Variants in ZNF541 observed in about 807,000 individuals in gnomAD.
ZNF541 encodes zinc finger protein 541.
A neutral mutation model predicts 123.5 loss-of-function variants in ZNF541; 23 were observed. The ratio of observed to expected loss-of-function variants is 0.19; its 90% confidence interval spans 0.13 to 0.26. ZNF541 has a LOEUF of 0.26. Among genes scored for constraint, ZNF541 ranks in the 10% least tolerant of loss-of-function variants. The pLI is 1.00. For synonymous variants in ZNF541, 751 were observed against 754.5 expected (o/e 1.00, Z 0.08); for missense variants, 1,612 against 1,789.9 (o/e 0.90, Z 1.79).
chr19:47,525,821 C>G (rs1352904405), intron 14 of ZNF541, among the ~76,000 whole-genome samples: 1 of 147,546 alleles, frequency 6.8e-6, no homozygotes, highest in Admixed American at 7.1e-5. Flanking sequence ...GAGGCTGAGG[C>G]AGGAGAATGG....
In ZNF541 at chr19:47,544,953, TCTGGGCCTC is replaced by T. The variant is rs1568500628; in HGVS notation, c.1567_1575del (p.Glu523_Gln525del). ...GCATCCGCAGGGAGCCCGCCTGCCT[TCTGGGCCTC>T]CTGGAGGCCGGGCTCCCCGGGGTTC... On this transcript the variant is annotated inframe_deletion, in exon 5 of 17. Transcript: ENST00000391901. 1 of 1,534,822 alleles carries T rather than the reference TCTGGGCCTC, an allele frequency of 6.5e-7. No individual in the cohort carries two copies. Among genetic ancestry groups the T allele is most frequent in the South Asian group, 1.2e-5 (1 of 84,006 alleles).
At chr19:47,559,573 T>G (rs981515644) in intron 2 of ZNF541, among the ~76,000 whole-genome samples, 1 of 151,070 alleles carries the variant, frequency 6.6e-6, no homozygotes, top group African/African-American at 2.4e-5. Flanking sequence ...CTTTGATGTT[T>G]GATTACAGGC....
At chr19:47,566,901 A>G (rs1415035704) in intron 2 of ZNF541, among the ~76,000 whole-genome samples, 1 of 150,642 alleles carries the variant, frequency 6.6e-6, no homozygotes, top group Non-Finnish European at 1.5e-5. Context: ...AATACAAAAA[A>G]TTAGCCAGGC....
chr19:47,535,727 GTTTTT>G (rs556228596), intron 9 of ZNF541, among the ~76,000 whole-genome samples: 6 of 143,236 alleles, frequency 4.2e-5, no homozygotes, highest in Non-Finnish European at 9.2e-5. Context: ...CCCCAGAGTT[GTTTTT>G]TTTTTTTTGA....
chr19:47,548,622 A>C (rs1185523248), intron 4 of ZNF541, among the ~76,000 whole-genome samples: 1 of 152,142 alleles, frequency 6.6e-6, no homozygotes, highest in Non-Finnish European at 1.5e-5. Flanking sequence ...AAGTTAGCCC[A>C]ACTCCTCCCA....
At chr19:47,530,563 A>T (rs1311630825) in intron 12 of ZNF541, among the ~76,000 whole-genome samples, 1 of 152,168 alleles carries the variant, frequency 6.6e-6, no homozygotes, top group Admixed American at 6.5e-5. Context: ...GTAAGCCATC[A>T]TTGCAGGGTT....
intron 3 of ZNF541, among the ~76,000 whole-genome samples, chr19:47,553,220 TAC>T (rs1417598882): frequency 1.3e-5 from 2 of 152,100 alleles, no homozygotes; most frequent in Non-Finnish European, 2.9e-5. Context: ...ATAAGGGCTC[TAC>T]AGTTTTTTAA....
chr19:47,554,416 G>A (rs2123274876), intron 3 of ZNF541, among the ~76,000 whole-genome samples: 1 of 152,258 alleles, frequency 6.6e-6, no homozygotes, highest in African/African-American at 2.4e-5. Flanking sequence ...GGGCGACAGA[G>A]CGAGACTCCG....
intron 2 of ZNF541, among the ~76,000 whole-genome samples, chr19:47,558,295 A>G (rs942298715): frequency 2.0e-5 from 3 of 151,954 alleles, no homozygotes; most frequent in Non-Finnish European, 2.9e-5. Context: ...GGGCGCCTGT[A>G]GTCCCAGCTA....
intron 14 of ZNF541, among the ~76,000 whole-genome samples, 178 bp from the exon 15 acceptor site, chr19:47,522,172 G>A (rs1009870092): frequency 6.6e-6 from 1 of 152,178 alleles, no homozygotes. Flanking sequence ...GGACGAGGGC[G>A]TTCAAACTGG....
At chr19:47,534,424 GC>G (rs1969722325) in intron 9 of ZNF541, among the ~76,000 whole-genome samples, 1 of 152,162 alleles carries the variant, frequency 6.6e-6, no homozygotes, top group South Asian at 2.1e-4. Context: ...GCCGAGGCGG[GC>G]GGATCACCTG....
chr19:47,558,416 A>G (rs1298687938), intron 2 of ZNF541, among the ~76,000 whole-genome samples: 2 of 151,878 alleles, frequency 1.3e-5, no homozygotes, highest in African/African-American at 4.8e-5. Context: ...ACTCCATCTC[A>G]AAAAATAAAT....
At chr19:47,538,518 G>A in intron 8 of ZNF541, 79 bp from the exon 9 acceptor site, 4 of 1,385,124 alleles carry the variant, frequency 2.9e-6, no homozygotes, top group Non-Finnish European at 3.8e-6. Context: ...AAAGAGAGCA[G>A]GAAAAGGAGA....
intron 14 of ZNF541, among the ~76,000 whole-genome samples, chr19:47,526,633 G>T (rs187247271): frequency 6.6e-6 from 1 of 152,146 alleles, no homozygotes; most frequent in Non-Finnish European, 1.5e-5. Context: ...AACACAATGC[G>T]ATGCCACCAC....
At chr19:47,525,341 C>T (rs758354852) in intron 14 of ZNF541, among the ~76,000 whole-genome samples, 4 of 150,992 alleles carry the variant, frequency 2.6e-5, no homozygotes, top group Non-Finnish European at 5.9e-5. Flanking sequence ...AATGCAGTAC[C>T]AATCAAAATC....
rs757762639 is a variant in ZNF541, at chr19:47,521,474, G to A, written c.3887+5C>T. 2 of 1,551,324 alleles carry A rather than the reference G, an allele frequency of 1.3e-6. No homozygotes were observed. The highest frequency in any genetic ancestry group is 1.4e-5 in the African/African-American group (1 of 73,118). On this transcript the variant is annotated splice_donor_5th_base_variant and intron_variant, in intron 16 of 16. Transcript: ENST00000391901. This position sits in a 1 kb window ranked among gnomAD's most constrained non-coding sequence, Gnocchi z 4.2. The stretch of plus-strand genomic sequence containing the variant: ...TGGGAGTGTTTCCAGGAGAAAGCTG[G>A]GTACCTTTCACACTCTCTGCATGGA...
At chr19:47,569,672 G>A (rs182612556) in intron 2 of ZNF541, among the ~76,000 whole-genome samples, 17 of 151,900 alleles carry the variant, frequency 1.1e-4, no homozygotes, top group Admixed American at 4.6e-4. Context: ...AGACCAGCCC[G>A]GGCAACAAAG....
At chr19:47,523,998 T>C (rs1352638629) in intron 14 of ZNF541, among the ~76,000 whole-genome samples, 1 of 152,158 alleles carries the variant, frequency 6.6e-6, no homozygotes, top group East Asian at 1.9e-4. Context: ...GTGCTGCTCC[T>C]ACAGGGCCAG....
At position 47,545,228 on chromosome 19, in the gene ZNF541, T is replaced by G; in HGVS notation, c.1301A>C (p.His434Pro). The change falls in exon 5 of 17, where the codon CAC (histidine) becomes CCC (proline). Residue 434 changes from histidine to proline, a missense_variant. Around this residue, in one of 5 missense-constraint regions of ZNF541, gnomAD observed 1,080 missense variants for 1,013.8 expected, o/e 1.07. Transcript: ENST00000391901. This position sits in a 1 kb window ranked among gnomAD's most constrained non-coding sequence, Gnocchi z 7.5. ...CCGCGAGGGCACGGCCGAGGGCTTG[T>G]GGACAACAAACACGTTGTTGCCTTT... Reference protein sequence around the residue: ...KSKGNNVFVVHKPSAVPSREG... With the variant: ...KSKGNNVFVVPKPSAVPSREG... 1 of 1,545,642 alleles carries G rather than the reference T, an allele frequency of 6.5e-7. No homozygotes were observed. Among genetic ancestry groups the G allele is most frequent in the Non-Finnish European group, 8.7e-7 (1 of 1,145,510 alleles).
Sources: gnomAD v4.1 joint callset for allele counts (sites outside exome capture counted in the v4.1 genomes callset) on GRCh38, gnomAD v4.1.1 for gene constraint, gnomAD v4.1.1 regional missense constraint, Gnocchi (gnomAD v3.1) non-coding constraint, MANE v1.5 for transcripts, NCBI Gene and HGNC (gene_info 2026-07-23, HGNC 2026-07-21) for gene names.